CCDC50: variants seen among roughly 807,000 people sequenced by gnomAD.
CCDC50 encodes coiled-coil domain-containing protein 50.
CCDC50 carries 54 observed loss-of-function variants against 70.2 expected under a neutral mutation model. The ratio of observed to expected loss-of-function variants is 0.77; its 90% confidence interval spans 0.62 to 0.96. The LOEUF (loss-of-function observed/expected upper bound fraction) is 0.96, where lower values mean the gene tolerates loss of function less well. CCDC50 is among the 50% of genes least tolerant of loss of function. The pLI is 0.00. For synonymous variants in CCDC50, 216 were observed against 198.8 expected (o/e 1.09, Z -0.73); for missense variants, 558 against 578.7 (o/e 0.96, Z 0.37).
At chr3:191,388,450 G>T (rs1576977193) in intron 10 of CCDC50, among the ~76,000 whole-genome samples, 3 of 152,204 alleles carry the variant, frequency 2.0e-5, no homozygotes, top group Admixed American at 6.5e-5. Flanking sequence ...ATGATAGTTA[G>T]CATTAGCATA....
chr3:191,365,187 C>G (rs1424358821), intron 4 of CCDC50, among the ~76,000 whole-genome samples: 1 of 151,302 alleles, frequency 6.6e-6, no homozygotes, highest in Non-Finnish European at 1.5e-5. Context: ...TTAGCATGGC[C>G]AAACATGTCA....
At position 191,389,577 on chromosome 3, in the gene CCDC50, C is replaced by T. The variant is rs1231055604; in HGVS notation, c.1404C>T (p.Phe468=). 5 of 1,613,586 alleles carry T rather than the reference C, an allele frequency of 3.1e-6. No individual in the cohort carries two copies. Among genetic ancestry groups the T allele is most frequent in the Non-Finnish European group, 4.2e-6 (5 of 1,179,682 alleles). The part of the protein sequence containing the change: ...FTNQQSSTRH[F]SKSESSHKGF... ...ACCAGCAGAGTTCCACACGGCATTTCTCAAAATCAGAGTCCTCTCATAAAG... is the reference window on the plus strand; with the variant it reads ...ACCAGCAGAGTTCCACACGGCATTTTTCAAAATCAGAGTCCTCTCATAAAG... The change falls in exon 11 of 12, where the codon TTC becomes TTT. Residue 468 remains phenylalanine (F), a synonymous_variant. Coordinates refer to ENST00000392455, the MANE Select transcript of CCDC50 (RefSeq NM_178335.3).
chr3:191,384,651 T>C (rs1287468061), intron 10 of CCDC50, among the ~76,000 whole-genome samples: 1 of 152,184 alleles, frequency 6.6e-6, no homozygotes, highest in East Asian at 1.9e-4. Context: ...TGTTTAACTT[T>C]TGTTGTTATT....
chr3:191,385,753 A>G (rs1713471590), intron 10 of CCDC50, among the ~76,000 whole-genome samples: 1 of 151,948 alleles, frequency 6.6e-6, no homozygotes, highest in Non-Finnish European at 1.5e-5. Flanking sequence ...AGTCTTTCCT[A>G]GGTTTTCTTC....
intron 1 of CCDC50, among the ~76,000 whole-genome samples, chr3:191,345,557 G>T (rs1339270906): frequency 6.6e-6 from 1 of 152,080 alleles, no homozygotes; most frequent in Non-Finnish European, 1.5e-5. Flanking sequence ...CGCTGATAAT[G>T]ATGTAGATGG....
At chr3:191,335,343 C>G (rs1275345849) in intron 1 of CCDC50, among the ~76,000 whole-genome samples, 1 of 152,210 alleles carries the variant, frequency 6.6e-6, no homozygotes, top group East Asian at 1.9e-4. Flanking sequence ...ACTGGAAGTG[C>G]CATTGGATTA....
intron 4 of CCDC50, among the ~76,000 whole-genome samples, chr3:191,362,567 A>G (rs1010409779): frequency 1.3e-5 from 2 of 152,230 alleles, no homozygotes; most frequent in African/African-American, 4.8e-5. Context: ...TAATAGTTGG[A>G]TAACAATATG....
intron 1 of CCDC50, among the ~76,000 whole-genome samples, chr3:191,341,533 C>T (rs1473869): frequency 0.091 from 13,837 of 152,166 alleles, 685 homozygotes; most frequent in East Asian, 0.25. Context: ...TCTGTATACT[C>T]TGTTTATTTG....
Position 191,358,016 on chromosome 3 carries a change from C to T in CCDC50, c.131C>T (p.Ser44Leu), listed in dbSNP as rs776192376. The T allele has an allele frequency of 6.2e-7, 1 of 1,613,974 alleles. No homozygotes were observed. The highest frequency in any genetic ancestry group is 1.7e-5 in the Admixed American group (1 of 60,010). ...GTTCCAGTTGAGCATCATTTGGCAT[C>T]GAACGTTCAGCGGAACCGTTTGGTC... ...QEQEIEHHLASNVQRNRLVQH... is the reference protein window; with the variant it reads ...QEQEIEHHLALNVQRNRLVQH... The change falls in exon 3 of 12, where the codon TCG (serine) becomes TTG (leucine). Residue 44 changes from serine to leucine, a missense_variant. Transcript: ENST00000392455.
At chr3:191,360,831 C>G (rs191788491) in intron 3 of CCDC50, among the ~76,000 whole-genome samples, 26 of 152,186 alleles carry the variant, frequency 1.7e-4, no homozygotes, top group Non-Finnish European at 2.9e-4. Flanking sequence ...TGATCAGATT[C>G]CAGTTCTACC....
chr3:191,354,716 C>T (rs1712220464), intron 1 of CCDC50, among the ~76,000 whole-genome samples: 1 of 151,966 alleles, frequency 6.6e-6, no homozygotes, highest in African/African-American at 2.4e-5. Context: ...AACTAGTTTC[C>T]TGTACTGTGT....
chr3:191,382,424 C>T (rs1345601544), intron 9 of CCDC50, among the ~76,000 whole-genome samples: 1 of 152,130 alleles, frequency 6.6e-6, no homozygotes, highest in Non-Finnish European at 1.5e-5. Context: ...TAATCAGTGG[C>T]CAAGCACACC....
chr3:191,329,586 C>A lies in CCDC50; in HGVS notation c.-89C>A. On this transcript the variant is annotated 5_prime_UTR_variant, in exon 1 of 12. Transcript: ENST00000392455. ...TGCCGGCCGGACTTTGCGCCGCGTC[C>A]GGCGCTGCTGCTGCGCTCGGGGCCC... is the stretch of plus-strand genomic sequence containing the variant. 1 of 1,400,864 alleles carries A rather than the reference C, an allele frequency of 7.1e-7. No homozygotes were observed. Among genetic ancestry groups the A allele is most frequent in the Non-Finnish European group, 9.7e-7 (1 of 1,028,542 alleles). The allele number at this position is 1,400,864 out of a possible 1,614,324, so 86.8% of individuals were successfully genotyped here.
At chr3:191,387,249 C>A (rs1199251008) in intron 10 of CCDC50, among the ~76,000 whole-genome samples, 2 of 151,994 alleles carry the variant, frequency 1.3e-5, no homozygotes, top group Non-Finnish European at 2.9e-5. Flanking sequence ...GGGAGACATC[C>A]TGGTTTAAGT....
chr3:191,380,212 C>G lies in CCDC50; in HGVS notation c.1030C>G (p.His344Asp). Reference protein sequence around the residue: ...EAVSTPSRMAHRDQEWYDAEI... With the variant: ...EAVSTPSRMADRDQEWYDAEI... ...TGTATCTACTCCATCACGAATGGCC[C>G]ACAGGGATCAGGAATGGTATGATGC... Residue 344 changes from histidine to aspartate, a missense_variant, in exon 7 of 12, where the codon CAC becomes GAC. Physicochemically the swap from His to Asp is moderately conservative, Grantham distance 81 (BLOSUM62 -1). Transcript: ENST00000392455. The G allele has an allele frequency of 6.2e-7, 1 of 1,612,404 alleles. No individual in the cohort carries two copies. Among genetic ancestry groups the G allele is most frequent in the Non-Finnish European group, 8.5e-7 (1 of 1,179,184 alleles).
chr3:191,370,418 T>G (rs137975597), intron 5 of CCDC50: 18,274 of 233,672 alleles, frequency 0.078, 1,114 homozygotes, highest in East Asian at 0.24. Flanking sequence ...CCTGTATACA[T>G]GTGTTCTCAT....
rs562649790 is a variant in CCDC50, at chr3:191,380,054, C to T, written c.977-105C>T. The T allele has an allele frequency of 4.6e-5, 33 of 721,612 alleles. No individual in the cohort carries two copies. The East Asian group carries it at 8.3e-4, about 18-fold the overall frequency. The allele number at this position is 721,612 out of a possible 1,614,324, so 44.7% of individuals were successfully genotyped here. A position where few individuals can be genotyped will look rare whatever the true frequency, so the allele number is the denominator to read the frequency against. ...TATTCTGGAGTAGAGGTAGTATTGT[C>T]ATTGTTAGCTACTAAAGAAAAATCT... On this transcript the variant is annotated intron_variant, in intron 6 of 11. Coordinates refer to ENST00000392455, the MANE Select transcript of CCDC50 (RefSeq NM_178335.3).
intron 4 of CCDC50, 122 bp from the exon 5 acceptor site, chr3:191,369,797 G>C (rs2108658552): frequency 2.7e-6 from 2 of 745,634 alleles, no homozygotes; most frequent in East Asian, 5.1e-5. Flanking sequence ...ATTAATGCCA[G>C]AAAGTCTAGA....
chr3:191,330,276 A>G (rs1449799969), intron 1 of CCDC50: 1 of 152,846 alleles, frequency 6.5e-6, no homozygotes, highest in African/African-American at 2.5e-5. Flanking sequence ...AAGCCACTAT[A>G]AGCATTTTCT....
Sources: gnomAD v4.1 joint callset for allele counts (sites outside exome capture counted in the v4.1 genomes callset) on GRCh38, gnomAD v4.1.1 for gene constraint, MANE v1.5 for transcripts, NCBI Gene and HGNC (gene_info 2026-07-23, HGNC 2026-07-21) for gene names.